Variants in MRPS35 observed in about 807,000 individuals in gnomAD.
MRPS35 encodes the protein small ribosomal subunit protein mS35.
Under a neutral mutation model 32.7 loss-of-function variants are expected in MRPS35, and 29 were observed. The ratio of observed to expected loss-of-function variants is 0.89; its 90% confidence interval spans 0.66 to 1.21. The LOEUF (loss-of-function observed/expected upper bound fraction) is 1.21. Ranked by LOEUF, MRPS35 falls within the 50% of genes most tolerant of loss-of-function variation. MRPS35 has a pLI of 0.00. For missense variants in MRPS35, 373 were observed against 383.8 expected, an observed-to-expected ratio of 0.97 and a Z score of 0.23; for synonymous variants, 148 against 139.3, an observed-to-expected ratio of 1.06 and a Z score of -0.44.
intron 5 of MRPS35, among the ~76,000 whole-genome samples, chr12:27,731,039 C>T (rs2140767805): frequency 6.6e-6 from 1 of 152,280 alleles, no homozygotes. Context: ...TCAGTATGGA[C>T]TCATGGATAT....
At chr12:27,728,537 G>T (rs1225239331) in intron 5 of MRPS35, among the ~76,000 whole-genome samples, 2 of 152,044 alleles carry the variant, frequency 1.3e-5, no homozygotes, top group East Asian at 3.9e-4. Context: ...TAACAAAATT[G>T]TCAGTAATTC....
At chr12:27,745,735 G>T (rs2061980133) in intron 7 of MRPS35, among the ~76,000 whole-genome samples, 1 of 151,506 alleles carries the variant, frequency 6.6e-6, no homozygotes, top group Admixed American at 6.6e-5. Flanking sequence ...CCCACAACAG[G>T]CCCCAGTGTG....
At chr12:27,724,648 C>T (rs141947639) in intron 5 of MRPS35, among the ~76,000 whole-genome samples, 2,241 of 152,002 alleles carry the variant, frequency 0.015, 25 homozygotes, top group Non-Finnish European at 0.023. Context: ...GAGGCTGAGG[C>T]AGGAGAATTG....
At chr12:27,728,601 A>G (rs565081959) in intron 5 of MRPS35, among the ~76,000 whole-genome samples, 1 of 152,278 alleles carries the variant, frequency 6.6e-6, no homozygotes, top group Admixed American at 6.5e-5. Flanking sequence ...ATTGCCTTAC[A>G]AAATGGTATT....
intron 7 of MRPS35, among the ~76,000 whole-genome samples, chr12:27,748,809 A>T (rs2061990086): frequency 6.6e-6 from 1 of 152,100 alleles, no homozygotes; most frequent in Non-Finnish European, 1.5e-5. Context: ...TACAAAAAAA[A>T]ACTGAAACAG....
chr12:27,752,732 CATTT>C (rs1327982266), intron 7 of MRPS35: 2 of 152,064 alleles, frequency 1.3e-5, no homozygotes, highest in African/African-American at 2.4e-5. Flanking sequence ...AAGGGGCTGA[CATTT>C]ATTCCTTTCT....
At chr12:27,739,004 G>C (rs1233402321) in intron 7 of MRPS35, among the ~76,000 whole-genome samples, 4 of 151,770 alleles carry the variant, frequency 2.6e-5, no homozygotes, top group Admixed American at 6.6e-5. Flanking sequence ...CGCCTCCCAG[G>C]CTCAAGTTAT....
intron 7 of MRPS35, among the ~76,000 whole-genome samples, chr12:27,738,913 C>CTT (rs60150957): frequency 7.9e-5 from 11 of 139,820 alleles, no homozygotes; most frequent in African/African-American, 1.8e-4. Context: ...TTACTGAGAA[C>CTT]TTTTTTTTTT....
chr12:27,745,813 G>A (rs899382893), intron 7 of MRPS35, among the ~76,000 whole-genome samples: 6 of 151,818 alleles, frequency 4.0e-5, no homozygotes, highest in African/African-American at 1.5e-4. Flanking sequence ...AGAACATGCA[G>A]TGTTTGGTTT....
At chr12:27,714,742 A>C (rs1249931263) in intron 1 of MRPS35, 38 bp from the exon 2 acceptor site, 2 of 1,532,238 alleles carry the variant, frequency 1.3e-6, no homozygotes, top group South Asian at 2.3e-5. Flanking sequence ...TGACATGATA[A>C]AATTCTCTTT....
chr12:27,713,477 A>G (rs2061836199), intron 1 of MRPS35, among the ~76,000 whole-genome samples: 1 of 152,138 alleles, frequency 6.6e-6, no homozygotes, highest in Admixed American at 6.5e-5. Context: ...AGGCCTAAGA[A>G]CTCAGGGGGC....
intron 7 of MRPS35, among the ~76,000 whole-genome samples, chr12:27,742,872 TTGAAGAC>T (rs1409929424): frequency 6.6e-6 from 1 of 152,106 alleles, no homozygotes; most frequent in African/African-American, 2.4e-5. Context: ...TATTTTCTCT[TTGAAGAC>T]TGAGTTTTGC....
rs1258304944 is a variant in MRPS35, at chr12:27,756,237, C to G, written c.*787C>G. ...TTTTAAGTACACCTGTCAGCTGTTT[C>G]TTACCACTTCGATGGTTGTGATTAA... On this transcript the variant is annotated 3_prime_UTR_variant, in exon 8 of 8. Transcript: ENST00000081029. 6.6e-6 allele frequency: 1 copy of G among 152,248 alleles called. No individual in the cohort carries two copies. The highest frequency in any genetic ancestry group is 1.5e-5 in the Non-Finnish European group (1 of 68,054). 9.4% of individuals were successfully genotyped at this position (152,248 alleles called of 1,614,324 possible).
chr12:27,750,778 C>G (rs2061998802), intron 7 of MRPS35, among the ~76,000 whole-genome samples: 1 of 152,026 alleles, frequency 6.6e-6, no homozygotes, highest in South Asian at 2.1e-4. Flanking sequence ...GTGCTCCAGC[C>G]TAAGTGACAG....
In MRPS35 at chr12:27,755,086, GAAAA is replaced by G. The variant is rs71438704; in HGVS notation, c.703-87_703-84del. On this transcript the variant is annotated intron_variant, in intron 7 of 7. Transcript: ENST00000081029. The stretch of plus-strand genomic sequence containing the variant: ...AACTTCTCTTCCCTTAAAAAGGAAG[GAAAA>G]AAAAAAAGAAGAAAGAAAGGAAGAA... The G allele has an allele frequency of 6.2e-6, 7 of 1,131,948 alleles. No homozygotes were observed. In the East Asian group the frequency reaches 2.0e-4, roughly 33 times the overall value. 70.1% of individuals were successfully genotyped at this position (1,131,948 alleles called of 1,614,324 possible).
At chr12:27,725,072 G>A (rs2061894153) in intron 5 of MRPS35, among the ~76,000 whole-genome samples, 1 of 152,036 alleles carries the variant, frequency 6.6e-6, no homozygotes, top group African/African-American at 2.4e-5. Flanking sequence ...GTGAGACACT[G>A]CCCAGCCCAT....
chr12:27,739,127 A>C (rs1007807656), intron 7 of MRPS35, among the ~76,000 whole-genome samples: 8 of 152,076 alleles, frequency 5.3e-5, no homozygotes, highest in Admixed American at 4.6e-4. Flanking sequence ...CGAACTCCTA[A>C]CCTCAGGTGA....
chr12:27,735,013 A>G (rs2061937436), intron 5 of MRPS35, among the ~76,000 whole-genome samples: 1 of 152,222 alleles, frequency 6.6e-6, no homozygotes, highest in Non-Finnish European at 1.5e-5. Flanking sequence ...TACAAGTCTC[A>G]TAATTGCATG....
At chr12:27,721,123 A>C (rs546963176) in intron 4 of MRPS35, among the ~76,000 whole-genome samples, 2 of 152,318 alleles carry the variant, frequency 1.3e-5, no homozygotes, top group African/African-American at 4.8e-5. Context: ...AATAGTAAAC[A>C]TAATTATGAT....
Sources: gnomAD v4.1 joint callset for allele counts (sites outside exome capture counted in the v4.1 genomes callset) on GRCh38, gnomAD v4.1.1 for gene constraint, MANE v1.5 for transcripts, NCBI Gene and HGNC (gene_info 2026-07-23, HGNC 2026-07-21) for gene names.